Variants in WDPCP observed in about 807,000 individuals in gnomAD.
WDPCP encodes the protein WD repeat containing planar cell polarity effector, also known as WD repeat-containing and planar cell polarity effector protein fritz homolog.
In WDPCP, 71 loss-of-function variants were observed where a neutral mutation model predicts 93.1. That is an observed-to-expected ratio of 0.76 (90% CI 0.63 to 0.93). WDPCP has a LOEUF of 0.93. Ranked by LOEUF, WDPCP falls within the 40% of genes least tolerant of loss-of-function variation. The probability of loss-of-function intolerance (pLI) is 0.00; values close to 1 mark genes in which losing one functional copy is unlikely to be tolerated. For synonymous variants in WDPCP, 315 were observed against 315.0 expected (o/e 1.00, Z 0.00); for missense variants, 844 against 887.4 (o/e 0.95, Z 0.62).
rs547787663 is a variant in WDPCP at position 63,346,871 on chromosome 2, G to C, written c.1748+31515C>G. 2.0e-5 allele frequency among the ~76,000 whole-genome samples: 3 copies of C among 152,234 alleles called. No homozygotes were observed. The East Asian group carries it at 5.8e-4, about 29-fold the overall frequency. ...TCATCATAAAACCAGAGGATCATAA[G>C]GTTGACCTCATTTGTTTTTAATTCT... On this transcript the variant is annotated intron_variant, in intron 12 of 17. Transcript: ENST00000272321.
At chr2:63,780,811 T>C (rs544844435) in intron 2 of WDPCP, among the ~76,000 whole-genome samples, 1 of 152,300 alleles carries the variant, frequency 6.6e-6, no homozygotes, top group South Asian at 2.1e-4. Flanking sequence ...TCAGGCAGAA[T>C]GGAAGCAGTA....
intron 2 of WDPCP, among the ~76,000 whole-genome samples, chr2:63,748,226 T>C (rs966077382): frequency 2.0e-5 from 3 of 151,758 alleles, no homozygotes; most frequent in Admixed American, 1.3e-4. Context: ...CTTTCAATCC[T>C]TATTCTTTTG....
intron 17 of WDPCP, among the ~76,000 whole-genome samples, chr2:63,145,309 C>G (rs1671408135): frequency 6.6e-6 from 1 of 151,266 alleles, no homozygotes; most frequent in African/African-American, 2.4e-5. Flanking sequence ...GGGTGGGGCC[C>G]TGGCACTCCG....
intron 12 of WDPCP, among the ~76,000 whole-genome samples, chr2:63,322,941 A>G (rs1687236691): frequency 6.6e-6 from 1 of 152,242 alleles, no homozygotes. Context: ...CAGCTGCCAG[A>G]CTAAAGACAC....
At chr2:63,139,911 T>C (rs1205272952) in intron 17 of WDPCP, among the ~76,000 whole-genome samples, 1 of 152,218 alleles carries the variant, frequency 6.6e-6, no homozygotes, top group Non-Finnish European at 1.5e-5. Context: ...GAAGGGTTTT[T>C]CCAATGTTAT....
intron 12 of WDPCP, among the ~76,000 whole-genome samples, chr2:63,350,272 C>T (rs934421032): frequency 6.6e-6 from 1 of 151,978 alleles, no homozygotes; most frequent in Non-Finnish European, 1.5e-5. Flanking sequence ...AGGGAACATC[C>T]CACACCGGGG....
At chr2:63,127,646 CGTGTAT>C (rs1202565284) in intron 17 of WDPCP, among the ~76,000 whole-genome samples, 2 of 127,514 alleles carry the variant, frequency 1.6e-5, no homozygotes, top group African/African-American at 5.9e-5. Context: ...ATGTAAATAC[CGTGTAT>C]GTGTATGTGC....
chr2:63,455,882 C>T (rs1698591217), intron 6 of WDPCP, among the ~76,000 whole-genome samples: 1 of 152,168 alleles, frequency 6.6e-6, no homozygotes, highest in African/African-American at 2.4e-5. Flanking sequence ...ACACATTCTT[C>T]TCATCAGTAC....
chr2:63,252,173 TAAAAAC>T (rs1285576199), intron 14 of WDPCP, among the ~76,000 whole-genome samples: 1 of 152,004 alleles, frequency 6.6e-6, no homozygotes, highest in South Asian at 2.1e-4. Context: ...TGAACAGAAT[TAAAAAC>T]AAAAACCATA....
intron 15 of WDPCP, among the ~76,000 whole-genome samples, chr2:63,171,571 A>G (rs1673393076): frequency 6.6e-6 from 1 of 152,246 alleles, no homozygotes. Context: ...GAACCCTTAT[A>G]TATTGCTGGT....
At chr2:63,618,676 A>G (rs1709698748) in intron 3 of WDPCP, among the ~76,000 whole-genome samples, 1 of 151,120 alleles carries the variant, frequency 6.6e-6, no homozygotes, top group South Asian at 2.1e-4. Flanking sequence ...GAAGGATAGA[A>G]GTGGGATAGT....
chr2:63,199,717 A>C (rs569715539), intron 14 of WDPCP, among the ~76,000 whole-genome samples: 1 of 152,360 alleles, frequency 6.6e-6, no homozygotes, highest in African/African-American at 2.4e-5. Context: ...ACAGCAGTGC[A>C]GATGGGAACT....
At chr2:63,708,087 A>T (rs1669195979) in intron 2 of WDPCP, among the ~76,000 whole-genome samples, 1 of 152,180 alleles carries the variant, frequency 6.6e-6, no homozygotes, top group Non-Finnish European at 1.5e-5. Context: ...GAACCACTTG[A>T]GGAGGCAGTC....
In WDPCP at chr2:63,404,208, A is replaced by C. The variant is rs2105186553; in HGVS notation, c.1275T>G (p.Thr425=). 3 of 1,613,940 alleles carry C rather than the reference A, an allele frequency of 1.9e-6. No homozygotes were observed. The highest frequency in any genetic ancestry group is 2.5e-6 in the Non-Finnish European group (3 of 1,179,904). Residue 425 remains threonine (T), a synonymous_variant, in exon 10 of 18, where the codon ACT becomes ACG. Transcript: ENST00000272321. ...LLAEDRLPRE[T]LQFSKLFDAS... ...CATCAAATAATTTACTGAATTGCAG[A>C]GTCTCCCTGGGTAAGCGGTCTTCAG...
At chr2:63,479,989 C>T (rs775184850) in intron 6 of WDPCP, among the ~76,000 whole-genome samples, 3 of 152,092 alleles carry the variant, frequency 2.0e-5, no homozygotes, top group Non-Finnish European at 4.4e-5. Context: ...ACCCTAAAGA[C>T]TCCTCCAAAA....
chr2:63,292,662 T>A (rs1258091051), intron 13 of WDPCP, among the ~76,000 whole-genome samples: 1 of 152,186 alleles, frequency 6.6e-6, no homozygotes, highest in African/African-American at 2.4e-5. Context: ...TTCACACGGA[T>A]TCCCCCTTTC....
chr2:63,186,361 A>G (rs1022903000), intron 14 of WDPCP, among the ~76,000 whole-genome samples: 4 of 152,004 alleles, frequency 2.6e-5, no homozygotes, highest in African/African-American at 9.7e-5. Context: ...GCCCTTCCCC[A>G]CCTCCAGTCC....
chr2:63,308,565 A>G (rs1178265973), intron 13 of WDPCP, among the ~76,000 whole-genome samples: 1 of 152,188 alleles, frequency 6.6e-6, no homozygotes, highest in Non-Finnish European at 1.5e-5. Flanking sequence ...ATGCAGCCAT[A>G]AAAAAGGATG....
intron 2 of WDPCP, among the ~76,000 whole-genome samples, chr2:63,790,608 A>G (rs182424836): frequency 1.1e-3 from 168 of 152,314 alleles, no homozygotes; most frequent in Non-Finnish European, 2.1e-3. Flanking sequence ...AGACAGTAGG[A>G]TAAGTTCAGC....
Sources: allele counts gnomAD v4.1 joint callset (sites outside exome capture counted in the v4.1 genomes callset), GRCh38; gene constraint gnomAD v4.1.1; transcripts MANE v1.5; gene names NCBI Gene and HGNC (gene_info 2026-07-23, HGNC 2026-07-21).